The following NEMF variants were observed in gnomAD, a reference collection of about 807,000 sequenced individuals.
NEMF encodes the protein nuclear export mediator factor, also known as ribosome quality control complex subunit NEMF.
Under a neutral mutation model 162.2 loss-of-function variants are expected in NEMF, and 89 were observed. That is an observed-to-expected ratio of 0.55 (90% confidence interval 0.46 to 0.65). NEMF has a LOEUF of 0.65. Among genes scored for constraint, NEMF ranks in the 30% least tolerant of loss-of-function variants. The pLI, the probability that NEMF is intolerant of heterozygous loss-of-function variation, is 0.00. For missense variants in NEMF, 1,133 were observed against 1,261.9 expected, an observed-to-expected ratio of 0.90 and a Z score of 1.55; for synonymous variants, 421 against 404.5, an observed-to-expected ratio of 1.04 and a Z score of -0.49.
At chr14:49,843,175 A>G (rs1893301356) in intron 4 of NEMF, among the ~76,000 whole-genome samples, 1 of 152,126 alleles carries the variant, frequency 6.6e-6, no homozygotes, top group African/African-American at 2.4e-5. Flanking sequence ...AATTTTCAAC[A>G]TCAATGAATC....
chr14:49,837,283 T>C (rs1049165969), intron 6 of NEMF, among the ~76,000 whole-genome samples: 2 of 152,050 alleles, frequency 1.3e-5, no homozygotes, highest in Non-Finnish European at 2.9e-5. Context: ...TCAAAAATAA[T>C]AGTAATTTTA....
chr14:49,838,344 G>A (rs1341276505), intron 5 of NEMF, 138 bp from the exon 6 acceptor site: 1 of 646,900 alleles, frequency 1.5e-6, no homozygotes, highest in Non-Finnish European at 2.6e-6. Flanking sequence ...TCATTCTTCT[G>A]TTGTGAGAAA....
At position 49,786,897 on chromosome 14, in the gene NEMF, C is replaced by T; in HGVS notation, c.2896-147G>A. The stretch of plus-strand genomic sequence containing the variant: ...TAGGGGGCCTCAAGGTTATATTCTT[C>T]CTAAGACTCTGAAGTGGATTCGTAT... On this transcript the variant is annotated intron_variant, in intron 28 of 32. Transcript: ENST00000298310. 4 of 653,162 alleles carry T rather than the reference C, an allele frequency of 6.1e-6. 1 individual carries two copies. In the South Asian group the frequency reaches 7.7e-5, roughly 13 times the overall value. 40.5% of individuals were successfully genotyped at this position (653,162 alleles called of 1,614,324 possible).
intron 16 of NEMF, among the ~76,000 whole-genome samples, chr14:49,824,142 C>T (rs1444930047): frequency 6.6e-6 from 1 of 152,006 alleles, no homozygotes; most frequent in Non-Finnish European, 1.5e-5. Context: ...TGCACTCCAG[C>T]CTGGGCAACA....
chr14:49,790,787 C>G (rs1890403842), intron 26 of NEMF, among the ~76,000 whole-genome samples: 1 of 151,962 alleles, frequency 6.6e-6, no homozygotes, highest in Non-Finnish European at 1.5e-5. Flanking sequence ...GTCAGGAGTT[C>G]AAGACCAGCC....
chr14:49,829,341 C>T lies in NEMF; in HGVS notation c.1023+8G>A. The T allele has an allele frequency of 1.9e-6, 3 of 1,614,034 alleles. No individual in the cohort carries two copies. Among genetic ancestry groups the T allele is most frequent in the Non-Finnish European group, 2.5e-6 (3 of 1,179,924 alleles). ...TTGAAAAAGCACTGAGAAAGCCAAA[C>T]ATAATACCTGAGCCTGCTGAAGAGC... is the stretch of plus-strand genomic sequence containing the variant. On this transcript the variant is annotated splice_region_variant and intron_variant, in intron 12 of 32. Transcript: ENST00000298310.
intron 28 of NEMF, among the ~76,000 whole-genome samples, chr14:49,788,556 CTCTT>C (rs1487254233): frequency 1.9e-3 from 117 of 62,972 alleles, no homozygotes; most frequent in African/African-American, 5.7e-3. Flanking sequence ...TTTTCTCTCT[CTCTT>C]TTTTTTTTTT....
At chr14:49,797,603 T>G (rs1309098996) in intron 25 of NEMF, 1 of 152,100 alleles carries the variant, frequency 6.6e-6, no homozygotes, top group Non-Finnish European at 1.5e-5. Context: ...GCCACTGCGC[T>G]CCAGCCTGGG....
chr14:49,831,277 A>T (rs747334998), intron 11 of NEMF, 22 bp downstream of exon 11: 1 of 1,351,384 alleles, frequency 7.4e-7, no homozygotes, highest in East Asian at 2.3e-5. Flanking sequence ...CTGGTTTAAT[A>T]TGTGTTTTTA....
chr14:49,798,724 G>A (rs1218840495), intron 25 of NEMF, among the ~76,000 whole-genome samples: 1 of 152,028 alleles, frequency 6.6e-6, no homozygotes, highest in Admixed American at 6.6e-5. Context: ...TGGCTAACAC[G>A]GTGAAACCCC....
At chr14:49,800,735 C>T (rs1890915206) in intron 22 of NEMF, 39 bp from the exon 23 acceptor site, 1 of 1,559,788 alleles carries the variant, frequency 6.4e-7, no homozygotes, top group Non-Finnish European at 8.7e-7. Context: ...GTGGGACTAC[C>T]AACCAAGCCA....
At chr14:49,820,878 C>T (rs1198043993) in intron 16 of NEMF, among the ~76,000 whole-genome samples, 1 of 152,090 alleles carries the variant, frequency 6.6e-6, no homozygotes, top group Non-Finnish European at 1.5e-5. Flanking sequence ...CCTCGGCATC[C>T]CAAGGTGCCG....
rs978628760 is a variant in NEMF at position 49,789,424 on chromosome 14, G to A, written c.2697+72C>T. 4.4e-6 allele frequency: 7 copies of A among 1,607,104 alleles called. No individual in the cohort carries two copies. In the African/African-American group the frequency reaches 8.0e-5, roughly 18 times the overall value. ...TTTAACAAGAATGTATTGAATGCCT[G>A]TCATACGCTAGGCAGTGGGCTAGAT... On this transcript the variant is annotated intron_variant, in intron 27 of 32. Coordinates refer to ENST00000298310, the MANE Select transcript of NEMF (RefSeq NM_004713.6).
intron 8 of NEMF, among the ~76,000 whole-genome samples, chr14:49,832,847 T>G (rs1566695984): frequency 6.6e-6 from 1 of 152,170 alleles, no homozygotes; most frequent in African/African-American, 2.4e-5. Context: ...TGCTTCTCTA[T>G]CTGAAACTAA....
intron 26 of NEMF, among the ~76,000 whole-genome samples, chr14:49,792,154 A>G (rs893470392): frequency 3.3e-5 from 5 of 151,774 alleles, no homozygotes; most frequent in African/African-American, 1.2e-4. Context: ...AAAAAAAAAA[A>G]GTCTCCTCAC....
intron 3 of NEMF, among the ~76,000 whole-genome samples, chr14:49,851,098 G>A (rs948526634): frequency 1.3e-5 from 2 of 152,172 alleles, no homozygotes; most frequent in African/African-American, 2.4e-5. Flanking sequence ...CAGCTACTGA[G>A]GAGGCTGAGG....
In NEMF at chr14:49,821,203, G is replaced by C. The variant is rs1441440919; in HGVS notation, c.1577+4664C>G. On this transcript the variant is annotated intron_variant, in intron 16 of 32. Transcript: ENST00000298310. ...TCTCCGCCCGGCAGCCACCACGCCC[G>C]GGAGGGAGGTGGGGGGGTCAGCCCC... 4.9e-4 allele frequency among the ~76,000 whole-genome samples: 4 copies of C among 8,114 alleles called. 2 individuals carry two copies. Among genetic ancestry groups the C allele is most frequent in the African/African-American group, 5.3e-4 (4 of 7,590 alleles). The allele number at this position is 8,114 out of a possible 152,430, so 5.3% of individuals were successfully genotyped here.
intron 2 of NEMF, 51 bp from the exon 3 acceptor site, chr14:49,851,716 T>C (rs1205484743): frequency 3.3e-6 from 5 of 1,514,548 alleles, no homozygotes; most frequent in African/African-American, 2.7e-5. Context: ...CCAAAGCTAA[T>C]TGCTAAACAG....
At chr14:49,846,354 T>G in intron 3 of NEMF, 89 bp from the exon 4 acceptor site, 1 of 1,190,224 alleles carries the variant, frequency 8.4e-7, no homozygotes, top group Admixed American at 2.2e-5. Context: ...CTTTTCATTA[T>G]CATCAGGAAT....
Sources: gnomAD v4.1 joint callset for allele counts (sites outside exome capture counted in the v4.1 genomes callset) on GRCh38, gnomAD v4.1.1 for gene constraint, MANE v1.5 for transcripts, NCBI Gene and HGNC (gene_info 2026-07-23, HGNC 2026-07-21) for gene names.